NXPE2: variants seen among roughly 807,000 people sequenced by gnomAD.
NXPE2 encodes the protein neurexophilin and PC-esterase domain family member 2, also known as NXPE family member 2.
A neutral mutation model predicts 34.4 loss-of-function variants in NXPE2; 34 were observed. That is an observed-to-expected ratio of 0.99 (90% CI 0.75 to 1.31). The LOEUF (loss-of-function observed/expected upper bound fraction) is 1.31, where lower values mean the gene tolerates loss of function less well. Among genes scored for constraint, NXPE2 ranks in the 40% most tolerant of loss-of-function variants. NXPE2 has a pLI of 0.00. For synonymous variants in NXPE2, 235 were observed against 231.3 expected, an observed-to-expected ratio of 1.02 and a Z score of -0.15; for missense variants, 649 against 672.5, an observed-to-expected ratio of 0.97 and a Z score of 0.39.
the NXPE2 span, among the ~76,000 whole-genome samples, chr11:114,725,148 C>T: frequency 6.6e-6 from 1 of 151,998 alleles, no homozygotes; most frequent in Non-Finnish European, 1.5e-5. Flanking sequence ...TTTGAGTTAA[C>T]AAGGACAGCG....
the NXPE2 span, among the ~76,000 whole-genome samples, chr11:114,719,773 C>T: frequency 6.6e-6 from 1 of 152,158 alleles, no homozygotes. Context: ...AGGCTGGGAG[C>T]CTTGAGAGGT....
At chr11:114,633,827 G>C in the NXPE2 span, among the ~76,000 whole-genome samples, 742 of 152,054 alleles carry the variant, frequency 4.9e-3, 8 homozygotes, top group Non-Finnish European at 6.1e-3. Context: ...GTATTCCATG[G>C]TGTATATGTG....
At chr11:114,601,723 A>ATTCT in the NXPE2 span, among the ~76,000 whole-genome samples, 1 of 70,184 alleles carries the variant, frequency 1.4e-5, no homozygotes, top group African/African-American at 5.9e-5. Context: ...ATATATTATA[A>ATTCT]TTATATATTA....
chr11:114,722,409 A>C, the NXPE2 span, among the ~76,000 whole-genome samples: 8 of 150,168 alleles, frequency 5.3e-5, no homozygotes, highest in African/African-American at 7.6e-5. Flanking sequence ...TGAATCAATT[A>C]AACCTCTTTT....
At chr11:114,558,455 A>G in the NXPE2 span, among the ~76,000 whole-genome samples, 1 of 152,022 alleles carries the variant, frequency 6.6e-6, no homozygotes, top group Non-Finnish European at 1.5e-5. Context: ...TGGATTTGTG[A>G]TATTTGCTTT....
the NXPE2 span, among the ~76,000 whole-genome samples, chr11:114,619,961 C>T: frequency 1.3e-5 from 2 of 152,040 alleles, no homozygotes; most frequent in East Asian, 1.9e-4. Context: ...AGTGTTGCCT[C>T]GTGAGTAACC....
At chr11:114,712,865 G>T in the NXPE2 span, among the ~76,000 whole-genome samples, 3 of 152,180 alleles carry the variant, frequency 2.0e-5, no homozygotes, top group Non-Finnish European at 4.4e-5. Context: ...TAGCCAAGAG[G>T]TGAAGCACCT....
the NXPE2 span, among the ~76,000 whole-genome samples, chr11:114,533,800 G>A: frequency 3.3e-5 from 5 of 152,334 alleles, no homozygotes; most frequent in South Asian, 8.3e-4. Context: ...GCTCAAACTG[G>A]GTGGAGCCCA....
In NXPE2 at chr11:114,706,584, C is replaced by A; in HGVS notation, c.1334C>A (p.Ala445Asp). 6.4e-7 allele frequency: 1 copy of A among 1,551,878 alleles called. No individual in the cohort carries two copies. Among genetic ancestry groups the A allele is most frequent in the African/African-American group, 1.4e-5 (1 of 73,178 alleles). Residue 445 changes from alanine to aspartate, a missense_variant, in exon 6 of 6, where the codon GCC becomes GAC. Ala to Asp is a moderately radical substitution (Grantham distance 126). Coordinates refer to ENST00000389586, the MANE Select transcript of NXPE2 (RefSeq NM_182495.6). ...CAGGTAGCAGGAGACAAAAACACAG[C>A]CATTGTCATTACCCTCGGCCAACAC... ...IDQVAGDKNTAIVITLGQHFR... is the reference protein window; with the variant it reads ...IDQVAGDKNTDIVITLGQHFR...
chr11:114,650,935 T>C, the NXPE2 span, among the ~76,000 whole-genome samples: 1 of 152,038 alleles, frequency 6.6e-6, no homozygotes, highest in Admixed American at 6.6e-5. Flanking sequence ...CTAACAGAGA[T>C]GGCTGAGAGC....
chr11:114,810,430 G>A, the NXPE2 span, among the ~76,000 whole-genome samples: 62,084 of 83,622 alleles, frequency 0.74, 24,091 homozygotes, highest in Non-Finnish European at 0.84. Context: ...GAAAATCTTT[G>A]CAACCTACTC....
the NXPE2 span, among the ~76,000 whole-genome samples, chr11:114,577,694 A>T: frequency 6.6e-6 from 1 of 152,286 alleles, no homozygotes; most frequent in East Asian, 1.9e-4. Context: ...TCAGTTTTGT[A>T]GATATTATTT....
intron 5 of NXPE2, 89 bp downstream of exon 5, chr11:114,706,085 ATTTATTTTAT>A (rs61693681): frequency 0.011 from 4,280 of 382,258 alleles, 52 homozygotes; most frequent in African/African-American, 0.042. Flanking sequence ...CTTTTCTAAT[ATTTATTTTAT>A]TTTATTTTAT....
chr11:114,759,554 G>C, the NXPE2 span, among the ~76,000 whole-genome samples: 2 of 152,184 alleles, frequency 1.3e-5, no homozygotes, highest in Admixed American at 6.5e-5. Context: ...TTCTGCTGGA[G>C]TGTCAGAGAT....
the NXPE2 span, among the ~76,000 whole-genome samples, chr11:114,473,828 T>C: frequency 6.6e-6 from 1 of 152,228 alleles, no homozygotes; most frequent in Non-Finnish European, 1.5e-5. Context: ...ATTAATTCTG[T>C]GACCTTGAAC....
the NXPE2 span, among the ~76,000 whole-genome samples, chr11:114,801,559 A>AAGAG: frequency 6.6e-6 from 1 of 152,216 alleles, no homozygotes; most frequent in Non-Finnish European, 1.5e-5. Context: ...AGATTCTTAA[A>AAGAG]AGAGTGCCCT....
At chr11:114,537,815 A>C in the NXPE2 span, among the ~76,000 whole-genome samples, 30 of 152,066 alleles carry the variant, frequency 2.0e-4, 1 homozygote, top group East Asian at 3.9e-3. Flanking sequence ...TTCCATGCTC[A>C]TGGGTAGGAA....
chr11:114,714,364 TGA>T, the NXPE2 span, among the ~76,000 whole-genome samples: 1 of 152,168 alleles, frequency 6.6e-6, no homozygotes, highest in Non-Finnish European at 1.5e-5. Context: ...AGCAGAGAGG[TGA>T]GTGTGCTTTG....
chr11:114,508,999 A>T, the NXPE2 span, among the ~76,000 whole-genome samples: 3 of 152,220 alleles, frequency 2.0e-5, no homozygotes, highest in Non-Finnish European at 4.4e-5. Flanking sequence ...AATTTTTGCA[A>T]ACGATGCGTC....
Sources: allele counts gnomAD v4.1 joint callset (sites outside exome capture counted in the v4.1 genomes callset), GRCh38; gene constraint gnomAD v4.1.1; transcripts MANE v1.5; gene names NCBI Gene and HGNC (gene_info 2026-07-23, HGNC 2026-07-21).